The following DAPK2 variants were observed in gnomAD, a reference collection of about 807,000 sequenced individuals.
DAPK2 encodes death-associated protein kinase 2.
In DAPK2, 35 loss-of-function variants were observed where a neutral mutation model predicts 44.1. That is an observed-to-expected ratio of 0.79 (90% confidence interval 0.61 to 1.05). The LOEUF (loss-of-function observed/expected upper bound fraction) is 1.05, where lower values mean the gene tolerates loss of function less well. Among genes scored for constraint, DAPK2 ranks in the 50% least tolerant of loss-of-function variants. The probability of loss-of-function intolerance (pLI) is 0.00; values close to 1 mark genes in which losing one functional copy is unlikely to be tolerated. For missense variants in DAPK2, 453 were observed against 483.2 expected (o/e 0.94, Z 0.59); for synonymous variants, 174 against 182.6 (o/e 0.95, Z 0.38).
At chr15:63,955,046 T>C (rs2077686148) in intron 3 of DAPK2, among the ~76,000 whole-genome samples, 1 of 152,244 alleles carries the variant, frequency 6.6e-6, no homozygotes, top group South Asian at 2.1e-4. Flanking sequence ...TTCTAACAAT[T>C]TTTTGGTGGA....
At chr15:64,018,756 C>T (rs1262415154) in intron 1 of DAPK2, among the ~76,000 whole-genome samples, 2 of 152,250 alleles carry the variant, frequency 1.3e-5, no homozygotes, top group African/African-American at 4.8e-5. Context: ...GGTCCTCAGT[C>T]CTGGATGGAG....
intron 1 of DAPK2, among the ~76,000 whole-genome samples, chr15:64,045,603 C>T (rs903183903): frequency 6.6e-6 from 1 of 152,226 alleles, no homozygotes; most frequent in Non-Finnish European, 1.5e-5. Context: ...CCTCTCTGGA[C>T]CTTGTTTTCT....
At chr15:64,022,667 A>G (rs1411385082) in intron 1 of DAPK2, among the ~76,000 whole-genome samples, 3 of 152,102 alleles carry the variant, frequency 2.0e-5, no homozygotes, top group Admixed American at 1.3e-4. Flanking sequence ...AAATAACAAA[A>G]AATTAGCTGG....
At chr15:63,934,445 T>TG (rs200541981) in intron 4 of DAPK2, among the ~76,000 whole-genome samples, 5,414 of 151,826 alleles carry the variant, frequency 0.036, 183 homozygotes, top group African/African-American at 0.084. Context: ...TTAGTAGAGA[T>TG]GGGGTTTCAC....
intron 1 of DAPK2, among the ~76,000 whole-genome samples, chr15:64,010,085 T>A (rs2141015776): frequency 6.6e-6 from 1 of 152,294 alleles, no homozygotes; most frequent in Non-Finnish European, 1.5e-5. Flanking sequence ...TCTCAAAGTG[T>A]GACCCGAGAC....
chr15:64,006,528 C>T (rs924621726), intron 1 of DAPK2, among the ~76,000 whole-genome samples: 26 of 152,184 alleles, frequency 1.7e-4, no homozygotes, highest in African/African-American at 6.0e-4. Flanking sequence ...ATTCCCACTT[C>T]ACCAAAGCAG....
At chr15:64,043,623 C>A (rs2080395595), upstream of DAPK2, among the ~76,000 whole-genome samples, 1 of 152,130 alleles carries the variant, frequency 6.6e-6, no homozygotes, top group Non-Finnish European at 1.5e-5. Flanking sequence ...GCTTCGGAGG[C>A]TTCAGAGTGC....
chr15:63,928,203 G>A (rs1015921079), intron 6 of DAPK2: 1 of 152,640 alleles, frequency 6.6e-6, no homozygotes, highest in African/African-American at 2.4e-5. Flanking sequence ...CCTAGCAATT[G>A]TGATATAATA....
At chr15:64,034,081 G>T (rs945087228) in intron 1 of DAPK2, among the ~76,000 whole-genome samples, 3 of 152,074 alleles carry the variant, frequency 2.0e-5, no homozygotes, top group Non-Finnish European at 4.4e-5. Context: ...TAATTTAAAA[G>T]GATCATAAAA....
At chr15:63,936,805 C>A (rs981339097) in intron 4 of DAPK2, among the ~76,000 whole-genome samples, 2 of 151,346 alleles carry the variant, frequency 1.3e-5, no homozygotes, top group East Asian at 3.9e-4. Context: ...TATAGTGAGA[C>A]CCCACCTCAA....
chr15:64,024,968 G>A (rs1234402372), intron 1 of DAPK2, among the ~76,000 whole-genome samples: 1 of 152,162 alleles, frequency 6.6e-6, no homozygotes, highest in Non-Finnish European at 1.5e-5. Context: ...GTGGAGGTGA[G>A]CAGGGAGGCA....
chr15:64,037,063 G>C lies in DAPK2; in HGVS notation c.92+3107C>G, dbSNP rs147189616. Among the ~76,000 whole-genome samples the C allele has an allele frequency of 8.0e-3, 1,221 of 152,266 alleles. 17 individuals are homozygous for C. Among genetic ancestry groups the C allele is most frequent in the African/African-American group, 0.025 (1,035 of 41,518 alleles). On this transcript the variant is annotated intron_variant, in intron 1 of 10. Coordinates refer to ENST00000261891, the Ensembl canonical transcript of DAPK2. ...CTGTCTTACAGGTAAAAAAGCTGAG[G>C]CTCAGAGAGGGCAGGTTGTCTAATG...
chr15:63,984,469 T>C (rs1029433945), intron 1 of DAPK2, among the ~76,000 whole-genome samples: 1 of 152,118 alleles, frequency 6.6e-6, no homozygotes, highest in African/African-American at 2.4e-5. Context: ...ATGGAGTCCA[T>C]GGCAGAGTGG....
chr15:64,030,979 T>TACACACACACATACACACACACAC (rs2079996644), intron 1 of DAPK2, among the ~76,000 whole-genome samples: 4 of 140,186 alleles, frequency 2.9e-5, no homozygotes, highest in African/African-American at 1.1e-4. Context: ...AATACACACA[T>TACACACACACATACACACACACAC]ACACACACAC....
upstream of DAPK2, among the ~76,000 whole-genome samples, chr15:64,043,045 G>A (rs564557809): frequency 1.3e-5 from 2 of 152,172 alleles, no homozygotes; most frequent in Non-Finnish European, 1.5e-5. Context: ...CACAGACCTG[G>A]GTTTAAATCC....
chr15:64,046,390 GAA>G (rs2080469223), upstream of DAPK2: 21 of 325,726 alleles, frequency 6.4e-5, no homozygotes, highest in South Asian at 2.2e-4. This position sits in a 1 kb window ranked among gnomAD's most constrained non-coding sequence, Gnocchi z 5.3. Flanking sequence ...GGCGCGGCGG[GAA>G]CGGGGGACGC....
In DAPK2 at chr15:64,013,783, T is replaced by C. The variant is rs1366934892; in HGVS notation, c.92+26387A>G. ...CTGGAAAACTACAGTTGGCCTCATA[T>C]CACATCAAAGCCAGAGGAAACATGG... On this transcript the variant is annotated intron_variant, in intron 1 of 10. Transcript: ENST00000261891. The surrounding 1 kb of genome is among the most constrained non-coding windows in gnomAD (Gnocchi z 4.7). Among the ~76,000 whole-genome samples, 1 of 152,214 alleles carries C rather than the reference T, an allele frequency of 6.6e-6. No individual in the cohort carries two copies. The highest frequency in any genetic ancestry group is 2.4e-5 in the African/African-American group (1 of 41,454).
intron 1 of DAPK2, among the ~76,000 whole-genome samples, chr15:64,010,344 T>C (rs1156552628): frequency 6.6e-6 from 1 of 152,242 alleles, no homozygotes; most frequent in Non-Finnish European, 1.5e-5. Context: ...TTTTAACTTA[T>C]GTCTTTCTGT....
intron 6 of DAPK2, 89 bp downstream of exon 7, chr15:63,929,462 A>T (rs1351244430): frequency 6.5e-7 from 1 of 1,539,380 alleles, no homozygotes. Context: ...TGCTTAGTAA[A>T]TGTCAGTCTA....
Sources: allele counts gnomAD v4.1 joint callset (sites outside exome capture counted in the v4.1 genomes callset), GRCh38; gene constraint gnomAD v4.1.1; non-coding constraint Gnocchi (gnomAD v3.1); transcripts MANE v1.5; gene names NCBI Gene and HGNC (gene_info 2026-07-23, HGNC 2026-07-21).